Variants in GOLGB1 observed in about 807,000 individuals in gnomAD.
GOLGB1 encodes golgin subfamily B member 1.
GOLGB1 carries 174 observed loss-of-function variants against 336.9 expected under a neutral mutation model. The ratio of observed to expected loss-of-function variants is 0.52; its 90% confidence interval spans 0.46 to 0.59. The LOEUF (loss-of-function observed/expected upper bound fraction) is 0.59. Among genes scored for constraint, GOLGB1 ranks in the 20% least tolerant of loss-of-function variants. The pLI, the probability that GOLGB1 is intolerant of heterozygous loss-of-function variation, is 0.00. For missense variants in GOLGB1, 3,331 were observed against 3,645.3 expected (o/e 0.91, Z 2.22); for synonymous variants, 1,208 against 1,289.2 (o/e 0.94, Z 1.35).
At chr3:121,680,958 A>G (rs1941004254) in intron 15 of GOLGB1, among the ~76,000 whole-genome samples, 1 of 152,234 alleles carries the variant, frequency 6.6e-6, no homozygotes, top group Admixed American at 6.5e-5. Flanking sequence ...CACTTATTGT[A>G]TGAGCTAGCA....
At position 121,749,701 on chromosome 3, in the gene GOLGB1, C is replaced by G. The variant is rs919159321; in HGVS notation, c.-72G>C. ...TCAAGCCACGTCAGCTCGGGAAGCC[C>G]GTACGCGACACCTTCCACCGCCGCG... On this transcript the variant is annotated 5_prime_UTR_variant, in exon 1 of 22. Coordinates refer to ENST00000614479, the MANE Select transcript of GOLGB1 (RefSeq NM_001366282.2). 3.3e-5 allele frequency: 5 copies of G among 152,742 alleles called. No homozygotes were observed. The highest frequency in any genetic ancestry group is 1.2e-4 in the African/African-American group (5 of 41,458). 9.5% of individuals were successfully genotyped at this position (152,742 alleles called of 1,614,324 possible).
chr3:121,693,817 CTTCT>C lies in GOLGB1; in HGVS notation c.6702_6705del (p.Glu2235IlefsTer6). ...TGATCCTTTAGAACACTGCAATTATCTTCTTTGAGTCTAATTTCTTCTTCTTTGC... is the reference window on the plus strand; with the variant it reads ...TGATCCTTTAGAACACTGCAATTATCTTGAGTCTAATTTCTTCTTCTTTGC... On this transcript the variant is annotated frameshift_variant, in exon 13 of 22. Coordinates refer to ENST00000614479, the MANE Select transcript of GOLGB1 (RefSeq NM_001366282.2). LOFTEE classifies it high-confidence loss of function. The C allele has an allele frequency of 1.2e-6, 2 of 1,608,748 alleles. No individual in the cohort carries two copies. The highest frequency in any genetic ancestry group is 1.3e-5 in the African/African-American group (1 of 74,958).
chr3:121,685,794 G>C (rs757005632), intron 14 of GOLGB1, among the ~76,000 whole-genome samples: 1 of 152,144 alleles, frequency 6.6e-6, no homozygotes, highest in Non-Finnish European at 1.5e-5. Context: ...GCTACTCTTA[G>C]CTTTTCCCAC....
chr3:121,705,860 G>C lies in GOLGB1; in HGVS notation c.1405-3265C>G, dbSNP rs181007714. 5.9e-5 allele frequency among the ~76,000 whole-genome samples: 9 copies of C among 152,294 alleles called. No individual in the cohort carries two copies. In the South Asian group the frequency reaches 1.9e-3, roughly 32 times the overall value. Reference sequence around the variant, plus strand: ...GCCAAATGTGAAAAAACACTTCTCAGGGCATTGAGTAGAATACTCAGCAAG... The same window carrying C: ...GCCAAATGTGAAAAAACACTTCTCACGGCATTGAGTAGAATACTCAGCAAG... On this transcript the variant is annotated intron_variant, in intron 10 of 21. Coordinates refer to ENST00000614479, the MANE Select transcript of GOLGB1 (RefSeq NM_001366282.2).
chr3:121,721,301 A>G (rs1945176675), intron 6 of GOLGB1, among the ~76,000 whole-genome samples: 1 of 151,944 alleles, frequency 6.6e-6, no homozygotes, highest in South Asian at 2.1e-4. Context: ...TCAGGGAAAA[A>G]AATCTTTCAT....
intron 20 of GOLGB1, among the ~76,000 whole-genome samples, chr3:121,666,487 G>C (rs1429695289): frequency 6.6e-6 from 1 of 152,150 alleles, no homozygotes; most frequent in Non-Finnish European, 1.5e-5. Flanking sequence ...ATGCTCGGCA[G>C]AGATGGCAAG....
Position 121,716,770 on chromosome 3 carries a change from C to G in GOLGB1, c.1255G>C (p.Val419Leu). Residue 419 changes from valine (V) to leucine (L), a missense_variant, in exon 9 of 22, where the codon GTT becomes CTT. Physicochemically the swap from Val to Leu is conservative, Grantham distance 32. Transcript: ENST00000614479. Reference sequence around the variant, plus strand: ...TGCTGAATGGTCTGGGCTGACTGAACTGCTTGCTCATTCTTATCTTGGAGA... The same window carrying G: ...TGCTGAATGGTCTGGGCTGACTGAAGTGCTTGCTCATTCTTATCTTGGAGA... ...KLLQDKNEQA[V>L]QSAQTIQQLE... is the part of the protein sequence containing the mutation. The G allele has an allele frequency of 6.2e-7, 1 of 1,613,580 alleles. No homozygotes were observed. Among genetic ancestry groups the G allele is most frequent in the Non-Finnish European group, 8.5e-7 (1 of 1,179,606 alleles).
chr3:121,716,734 G>T lies in GOLGB1; in HGVS notation c.1288+3C>A. ...TGGACTTCAAAAGCAATCAGCTACTGACCTTCCAGTTGCTGAATGGTCTGG... is the reference window on the plus strand; with the variant it reads ...TGGACTTCAAAAGCAATCAGCTACTTACCTTCCAGTTGCTGAATGGTCTGG... On this transcript the variant is annotated splice_donor_region_variant and intron_variant, in intron 9 of 21. Transcript: ENST00000614479. The T allele has an allele frequency of 6.2e-7, 1 of 1,602,304 alleles. No individual in the cohort carries two copies. Among genetic ancestry groups the T allele is most frequent in the Non-Finnish European group, 8.5e-7 (1 of 1,173,824 alleles).
In GOLGB1 at chr3:121,695,840, G is replaced by A; in HGVS notation, c.4683C>T (p.Asp1561=). 6.2e-7 allele frequency: 1 copy of A among 1,613,770 alleles called. No individual in the cohort carries two copies. Residue 1561 remains aspartate, a synonymous_variant, in exon 13 of 22, where the codon GAC becomes GAT. Transcript: ENST00000614479. ...EERDKLITEM[D]RSLLENQSLS... ...GACTCTGATTTTCCAATAAAGACCT[G>A]TCCATTTCTGTAATGAGTTTGTCTC...
chr3:121,713,095 G>C (rs950564201), intron 10 of GOLGB1, among the ~76,000 whole-genome samples: 1 of 152,052 alleles, frequency 6.6e-6, no homozygotes, highest in Non-Finnish European at 1.5e-5. Context: ...CCGGGAGGTC[G>C]AGGTTGCAGT....
At chr3:121,677,192 G>T in intron 16 of GOLGB1, 93 bp downstream of exon 16, 2 of 1,227,476 alleles carry the variant, frequency 1.6e-6, no homozygotes, top group Non-Finnish European at 2.3e-6. Flanking sequence ...ATGCTTTCTG[G>T]GTAGCGTCTT....
chr3:121,726,973 C>T lies in GOLGB1; in HGVS notation c.471G>A (p.Glu157=). The T allele has an allele frequency of 5.6e-6, 9 of 1,604,496 alleles. No individual in the cohort carries two copies. Among genetic ancestry groups the T allele is most frequent in the Non-Finnish European group, 7.7e-6 (9 of 1,173,350 alleles). ...GGGCTTGCAAAGTGCTGATTAGTTCCTCCTTCTCCTGGAGCTTATGTTTTA... is the reference window on the plus strand; with the variant it reads ...GGGCTTGCAAAGTGCTGATTAGTTCTTCCTTCTCCTGGAGCTTATGTTTTA... ...EKIKHKLQEK[E]ELISTLQAQL... The change falls in exon 5 of 22, where the codon GAG becomes GAA. Residue 157 remains glutamate (E), a synonymous_variant. Transcript: ENST00000614479.
Position 121,718,392 on chromosome 3 carries a change from T to C in GOLGB1, c.881A>G (p.Asn294Ser). ...QQELTAAEQR[N>S]QILSQQLQQM... Reference sequence around the variant, plus strand: ...GTAAAGATTAAAAGGCAGTACCTGGTTTCTCTGCTCAGCAGCAGTCAGCTC... The same window carrying C: ...GTAAAGATTAAAAGGCAGTACCTGGCTTCTCTGCTCAGCAGCAGTCAGCTC... The change falls in exon 8 of 22, where the codon AAC becomes AGC. Residue 294 changes from asparagine (N) to serine (S), a missense_variant. By Grantham distance (46) the Asn-to-Ser change is conservative. Transcript: ENST00000614479. The C allele has an allele frequency of 2.5e-6, 4 of 1,602,946 alleles. No homozygotes were observed. The highest frequency in any genetic ancestry group is 1.3e-5 in the African/African-American group (1 of 74,828).
In GOLGB1 at chr3:121,696,182, C is replaced by T. The variant is rs752086652; in HGVS notation, c.4341G>A (p.Gln1447=). 6.2e-7 allele frequency: 1 copy of T among 1,614,058 alleles called. No homozygotes were observed. Among genetic ancestry groups the T allele is most frequent in the South Asian group, 1.1e-5 (1 of 91,078 alleles). Residue 1447 remains glutamine, a synonymous_variant, in exon 13 of 22, where the codon CAG becomes CAA. Coordinates refer to ENST00000614479, the MANE Select transcript of GOLGB1 (RefSeq NM_001366282.2). ...CATGCTCTTTGGCTTGCATTTCTAG[C>T]TGTGTATGCAGAGCCTTAATTAAAT... ...QEDLIKALHT[Q]LEMQAKEHDE...
At chr3:121,682,603 T>A (rs529064095) in intron 14 of GOLGB1, among the ~76,000 whole-genome samples, 16 of 152,216 alleles carry the variant, frequency 1.1e-4, no homozygotes, top group Non-Finnish European at 2.2e-4. Context: ...ATTTCAGATA[T>A]ATTTTCAACT....
chr3:121,680,216 G>A (rs376221579), intron 15 of GOLGB1, among the ~76,000 whole-genome samples: 1 of 152,144 alleles, frequency 6.6e-6, no homozygotes, highest in African/African-American at 2.4e-5. Context: ...TTCCCCTGCC[G>A]GTGTGGTGTC....
chr3:121,710,090 C>A (rs548171008), intron 10 of GOLGB1, among the ~76,000 whole-genome samples: 2 of 144,112 alleles, frequency 1.4e-5, no homozygotes, highest in African/African-American at 2.6e-5. Context: ...CAAACCAAAA[C>A]TGGCACCGGG....
intron 2 of GOLGB1, chr3:121,730,276 C>T: frequency 3.1e-6 from 1 of 321,328 alleles, no homozygotes; most frequent in Non-Finnish European, 5.6e-6. Context: ...TAAAGGAAAG[C>T]AAAAATCATA....
chr3:121,691,794 T>C lies in GOLGB1; in HGVS notation c.7570A>G (p.Met2524Val), dbSNP rs1335339273. The C allele has an allele frequency of 1.9e-6, 3 of 1,613,790 alleles. No homozygotes were observed. Among genetic ancestry groups the C allele is most frequent in the Non-Finnish European group, 1.7e-6 (2 of 1,179,844 alleles). The part of the protein sequence containing the change: ...KEEIRGLRSH[M>V]DDLNSENAKL... ...GCATTCTCAGAATTGAGATCATCCA[T>C]ATGACTTCTCAAGCCTCGTATTTCT... is the stretch of plus-strand genomic sequence containing the variant. The change falls in exon 14 of 22, where the codon ATG (methionine) becomes GTG (valine). Residue 2524 changes from methionine to valine, a missense_variant. Physicochemically the swap from Met to Val is conservative, Grantham distance 21 (BLOSUM62 1). Transcript: ENST00000614479.
Sources: gnomAD v4.1 joint callset for allele counts (sites outside exome capture counted in the v4.1 genomes callset) on GRCh38, gnomAD v4.1.1 for gene constraint, MANE v1.5 for transcripts, NCBI Gene and HGNC (gene_info 2026-07-23, HGNC 2026-07-21) for gene names.